The following FAM220A variants were observed in gnomAD, a reference collection of about 807,000 sequenced individuals.
FAM220A encodes the protein family with sequence similarity 220 member A, also known as protein FAM220A.
For missense variants in FAM220A, 392 were observed against 321.6 expected, an observed-to-expected ratio of 1.22 and a Z score of -1.68; for synonymous variants, 141 against 130.7, an observed-to-expected ratio of 1.08 and a Z score of -0.54.
At chr7:6,334,948 AAT>A (rs1781715578) in intron 1 of FAM220A, among the ~76,000 whole-genome samples, 1 of 145,702 alleles carries the variant, frequency 6.9e-6, no homozygotes, top group East Asian at 2.1e-4. Context: ...TTGTATTTTT[AAT>A]AGAGACGGGT....
rs370497973 is a variant in FAM220A at position 6,338,456 on chromosome 7, A to G, written c.-81-7221T>C. On this transcript the variant is annotated intron_variant, in intron 1 of 1. Transcript: ENST00000313324. ...ACCAGAATGATGGAAGGAGTCTTCAAGAAAGCATGGTTCAGGAAAAATAAA... is the reference window on the plus strand; with the variant it reads ...ACCAGAATGATGGAAGGAGTCTTCAGGAAAGCATGGTTCAGGAAAAATAAA... 3.3e-5 allele frequency among the ~76,000 whole-genome samples: 5 copies of G among 152,346 alleles called. No individual in the cohort carries two copies. The South Asian group carries it at 6.2e-4, about 19-fold the overall frequency.
chr7:6,348,538 G>C, intron 1 of FAM220A, 35 bp downstream of exon 1: 1 of 420,980 alleles, frequency 2.4e-6, no homozygotes, highest in Non-Finnish European at 4.2e-6. Flanking sequence ...GGCGCTCGGG[G>C]AGGGCCGGGG....
chr7:6,337,459 T>C (rs756506230), intron 1 of FAM220A, among the ~76,000 whole-genome samples: 1 of 151,798 alleles, frequency 6.6e-6, no homozygotes, highest in Non-Finnish European at 1.5e-5. Context: ...TCATATAATA[T>C]GGGACAGTGC....
chr7:6,340,375 A>T (rs983621072), intron 1 of FAM220A, among the ~76,000 whole-genome samples: 5 of 152,124 alleles, frequency 3.3e-5, no homozygotes, highest in African/African-American at 4.8e-5. Context: ...GGTGCGGTGG[A>T]GGACGGAGAA....
intron 1 of FAM220A, among the ~76,000 whole-genome samples, chr7:6,333,062 C>A (rs191604312): frequency 6.6e-6 from 1 of 150,812 alleles, no homozygotes; most frequent in Admixed American, 6.6e-5. Flanking sequence ...GAGGCTGAAG[C>A]GAGAGAATTG....
intron 1 of FAM220A, among the ~76,000 whole-genome samples, chr7:6,343,397 C>CATATATAT (rs10529573): frequency 3.6e-4 from 31 of 86,976 alleles, no homozygotes; most frequent in Non-Finnish European, 5.5e-4. Flanking sequence ...ATAATAATTT[C>CATATATAT]ATATATATAT....
intron 1 of FAM220A, among the ~76,000 whole-genome samples, chr7:6,340,393 C>G (rs1245537900): frequency 6.6e-6 from 1 of 152,184 alleles, no homozygotes; most frequent in African/African-American, 2.4e-5. Flanking sequence ...GAAGCGACCA[C>G]TGCATGTGTG....
At chr7:6,346,028 C>T (rs180740186) in intron 1 of FAM220A, among the ~76,000 whole-genome samples, 180 of 152,222 alleles carry the variant, frequency 1.2e-3, no homozygotes, top group African/African-American at 4.3e-3. Flanking sequence ...TTCAGCCTCC[C>T]AATATACTGG....
intron 1 of FAM220A, among the ~76,000 whole-genome samples, chr7:6,335,523 C>G (rs1172875560): frequency 7.8e-6 from 1 of 128,512 alleles, no homozygotes; most frequent in Admixed American, 8.1e-5. Context: ...CCTCCGTGCC[C>G]AGCCTAGCCG....
chr7:6,333,089 A>G (rs1455288203), intron 1 of FAM220A, among the ~76,000 whole-genome samples: 2 of 151,166 alleles, frequency 1.3e-5, no homozygotes, highest in Non-Finnish European at 3.0e-5. Flanking sequence ...CCCGGGAGGC[A>G]GAGGTTGCAG....
chr7:6,334,262 G>A (rs191793677), intron 1 of FAM220A, among the ~76,000 whole-genome samples: 408 of 151,378 alleles, frequency 2.7e-3, no homozygotes, highest in African/African-American at 9.0e-3. Flanking sequence ...CTGGCTGGGC[G>A]CAGTGGCTCA....
At position 6,337,388 on chromosome 7, in the gene FAM220A, T is replaced by C. The variant is rs1229904061; in HGVS notation, c.-81-6153A>G. ...CTACCCGCCTCAGCCTCCCAAAGTGTTGGGATTACAGGCGTGAGCCACTGC... is the reference window on the plus strand; with the variant it reads ...CTACCCGCCTCAGCCTCCCAAAGTGCTGGGATTACAGGCGTGAGCCACTGC... On this transcript the variant is annotated intron_variant, in intron 1 of 1. Coordinates refer to ENST00000313324, the MANE Select transcript of FAM220A (RefSeq NM_001037163.2). Among the ~76,000 whole-genome samples the C allele has an allele frequency of 7.1e-3, 1,068 of 150,236 alleles. 23 individuals are homozygous for C. Among genetic ancestry groups the C allele is most frequent in the African/African-American group, 0.023 (915 of 40,218 alleles).
At chr7:6,344,290 C>CT (rs1781918547) in intron 1 of FAM220A, among the ~76,000 whole-genome samples, 1 of 152,070 alleles carries the variant, frequency 6.6e-6, no homozygotes, top group Admixed American at 6.6e-5. Flanking sequence ...AACAAAAACT[C>CT]TAAAACCTGC....
In FAM220A at chr7:6,343,048, AG is replaced by A. The variant is rs1554260483; in HGVS notation, c.-82+5524del. On this transcript the variant is annotated intron_variant, in intron 1 of 1. Transcript: ENST00000313324. ...GAAGACGCTTTCTCAAAAAAAAAAA[AG>A]AAAAAAGAAAGAAAGAAAGAGGAAG... 1.4e-3 allele frequency among the ~76,000 whole-genome samples: 108 copies of A among 78,318 alleles called. 1 individual carries two copies. Among genetic ancestry groups the A allele is most frequent in the Middle Eastern group, 5.0e-3 (1 of 202 alleles). 51.4% of individuals were successfully genotyped at this position (78,318 alleles called of 152,430 possible).
chr7:6,332,026 C>T (rs113611082), intron 1 of FAM220A, among the ~76,000 whole-genome samples: 3 of 150,524 alleles, frequency 2.0e-5, no homozygotes, highest in East Asian at 2.0e-4. Flanking sequence ...GTGGGAGAAT[C>T]GCTTGAACCC....
Position 6,330,719 on chromosome 7 carries a change from G to A in FAM220A, c.436C>T (p.Pro146Ser), listed in dbSNP as rs781584523. Reference protein sequence around the residue: ...RATDGHRGQCPKGEPRVSRLP... With the variant: ...RATDGHRGQCSKGEPRVSRLP... The stretch of plus-strand genomic sequence containing the variant: ...CGTGACACCCGAGGCTCTCCTTTGG[G>A]GCACTGTCCTCTGTGGCCGTCAGTG... Residue 146 changes from proline to serine, a missense_variant, in exon 2 of 2, where the codon CCC becomes TCC. Physicochemically the swap from Pro to Ser is moderately conservative, Grantham distance 74. Transcript: ENST00000313324. 12 of 1,614,092 alleles carry A rather than the reference G, an allele frequency of 7.4e-6. No individual in the cohort carries two copies. Among genetic ancestry groups the A allele is most frequent in the Non-Finnish European group, 9.3e-6 (11 of 1,180,026 alleles).
chr7:6,347,089 G>C (rs148346665), intron 1 of FAM220A, among the ~76,000 whole-genome samples: 1 of 152,196 alleles, frequency 6.6e-6, no homozygotes, highest in Non-Finnish European at 1.5e-5. Flanking sequence ...TGCTTTGGGA[G>C]GGCAAGGCAG....
At chr7:6,334,481 A>G (rs1267738428) in intron 1 of FAM220A, among the ~76,000 whole-genome samples, 1 of 151,966 alleles carries the variant, frequency 6.6e-6, no homozygotes, top group Non-Finnish European at 1.5e-5. Context: ...GTCTCAAAAA[A>G]AGAAAAGATG....
At position 6,348,782 on chromosome 7, in the gene FAM220A, C is replaced by G. The variant is rs921610493; in HGVS notation, c.-291G>C. 1.0e-5 allele frequency: 4 copies of G among 396,250 alleles called. No homozygotes were observed. The highest frequency in any genetic ancestry group is 4.4e-5 in the Admixed American group (1 of 22,644). The allele number at this position is 396,250 out of a possible 1,614,324, so 24.5% of individuals were successfully genotyped here. A position where few individuals can be genotyped will look rare whatever the true frequency, so the allele number is the denominator to read the frequency against. ...ATATAGAGACCGGCGCTCCCACAGC[C>G]CCCCCGCCCGCCCTCTCCGCGCCGC... On this transcript the variant is annotated 5_prime_UTR_variant, in exon 1 of 2. Coordinates refer to ENST00000313324, the MANE Select transcript of FAM220A (RefSeq NM_001037163.2).
Sources: gnomAD v4.1 joint callset for allele counts (sites outside exome capture counted in the v4.1 genomes callset) on GRCh38, gnomAD v4.1.1 for gene constraint, MANE v1.5 for transcripts, NCBI Gene and HGNC (gene_info 2026-07-23, HGNC 2026-07-21) for gene names.